MGRN1: variants seen among roughly 807,000 people sequenced by gnomAD.
The protein encoded by MGRN1 is mahogunin ring finger 1, also known as E3 ubiquitin-protein ligase MGRN1.
A neutral mutation model predicts 69.2 loss-of-function variants in MGRN1; 29 were observed. The ratio of observed to expected loss-of-function variants is 0.42; its 90% CI spans 0.31 to 0.57. MGRN1 has a LOEUF of 0.57. Ranked by LOEUF, MGRN1 falls within the 20% of genes least tolerant of loss-of-function variation. MGRN1 has a pLI of 0.15. For missense variants in MGRN1, 998 were observed against 796.2 expected (o/e 1.25, Z -3.05); for synonymous variants, 470 against 344.2 (o/e 1.37, Z -4.04).
rs368527662 is a variant in MGRN1, at chr16:4,680,054, C to T, written c.1088C>T (p.Pro363Leu). The T allele has an allele frequency of 4.2e-5, 68 of 1,614,060 alleles. No individual in the cohort carries two copies. The African/African-American group carries it at 6.4e-4, about 15-fold the overall frequency. The change falls in exon 12 of 17, where the codon CCG becomes CTG. Residue 363 changes from proline to leucine, a missense_variant. Physicochemically the swap from Pro to Leu is moderately conservative, Grantham distance 98 (BLOSUM62 -3). Coordinates refer to ENST00000262370, the MANE Select transcript of MGRN1 (RefSeq NM_015246.4). ...CAGTGTCCCTTTAAAAAATCAAAGC[C>T]GCACCCCGCCTCCCTGGCCAGCAAG... The part of the protein sequence containing the change: ...EHSCPFKKSK[P>L]HPASLASKKP...
At chr16:4,634,744 G>A (rs529868405) in intron 1 of MGRN1, 1 of 152,444 alleles carries the variant, frequency 6.6e-6, no homozygotes, top group African/African-American at 2.4e-5. Context: ...GAAGCGAGAG[G>A]TTTGAGGAGT....
At chr16:4,628,519 A>G (rs1772277491) in intron 1 of MGRN1, among the ~76,000 whole-genome samples, 1 of 151,854 alleles carries the variant, frequency 6.6e-6, no homozygotes, top group African/African-American at 2.4e-5. Flanking sequence ...CCCTACCCCA[A>G]CCCCCACCCT....
rs373230459 is a variant in MGRN1, at chr16:4,665,131, C to T, written c.658C>T (p.Leu220Phe). The change falls in exon 7 of 17, where the codon CTC becomes TTC. Residue 220 changes from leucine (L) to phenylalanine (F), a missense_variant. Transcript: ENST00000262370. ...GGAAGTGACTGGCCACGCCCACGTG[C>T]TCTTGGCTGCCTTTGAAAAGGTAAG... ...VVEVTGHAHV[L>F]LAAFEKHMDG... The T allele has an allele frequency of 3.7e-6, 6 of 1,614,100 alleles. No individual in the cohort carries two copies. The Admixed American group carries it at 8.3e-5, about 22-fold the overall frequency.
In MGRN1 at chr16:4,683,865, G is replaced by A; in HGVS notation, c.1551G>A (p.Glu517=). The A allele has an allele frequency of 6.2e-7, 1 of 1,605,872 alleles. No individual in the cohort carries two copies. Among genetic ancestry groups the A allele is most frequent in the Non-Finnish European group, 8.5e-7 (1 of 1,175,246 alleles). ...PQQGTRAASI[E]NVLQDSSPEH... ...CAGGGACCCGAGCAGCTTCCATTGA[G>A]AATGTCCTGCAGGACAGCAGCCCCG... The change falls in exon 16 of 17, where the codon GAG becomes GAA. Residue 517 remains glutamate (E), a synonymous_variant. Coordinates refer to ENST00000262370, the MANE Select transcript of MGRN1 (RefSeq NM_015246.4).
chr16:4,656,934 C>G (rs562408136), intron 4 of MGRN1, among the ~76,000 whole-genome samples: 4 of 151,900 alleles, frequency 2.6e-5, no homozygotes, highest in East Asian at 1.9e-4. Context: ...AATAAACAAA[C>G]CAACTTAGCA....
chr16:4,677,355 C>T (rs754917035), intron 10 of MGRN1, 108 bp from the exon 11 acceptor site: 15 of 781,614 alleles, frequency 1.9e-5, no homozygotes, highest in Non-Finnish European at 2.7e-5. Flanking sequence ...GCGGGGTCAC[C>T]CCAGGACCCC....
intron 1 of MGRN1, among the ~76,000 whole-genome samples, chr16:4,629,906 C>T (rs931930395): frequency 2.6e-5 from 4 of 151,142 alleles, no homozygotes; most frequent in African/African-American, 4.9e-5. Flanking sequence ...ATGAGCTGGA[C>T]GCAATGGCGC....
intron 1 of MGRN1, chr16:4,640,174 G>A (rs915477332): frequency 6.6e-6 from 1 of 152,310 alleles, no homozygotes; most frequent in Admixed American, 6.5e-5. Flanking sequence ...CAAGGTGCAA[G>A]AGACACAAGA....
At chr16:4,637,101 A>G (rs1596261405) in intron 1 of MGRN1, among the ~76,000 whole-genome samples, 1 of 136,520 alleles carries the variant, frequency 7.3e-6, no homozygotes, top group Non-Finnish European at 1.6e-5. Flanking sequence ...CCCGGGCGAC[A>G]GAGCAAGACT....
chr16:4,687,672 C>G (rs2079362993), intron 16 of MGRN1: 2 of 985,276 alleles, frequency 2.0e-6, no homozygotes, highest in African/African-American at 3.5e-5. Context: ...ATTGGGGACC[C>G]TCTGCCTTCC....
chr16:4,685,272 C>G (rs2141986312), intron 16 of MGRN1, among the ~76,000 whole-genome samples: 1 of 152,340 alleles, frequency 6.6e-6, no homozygotes, highest in South Asian at 2.1e-4. Flanking sequence ...GATATCTGAT[C>G]CTGCAGGGTG....
intron 10 of MGRN1, among the ~76,000 whole-genome samples, chr16:4,674,840 C>A (rs890919534): frequency 2.7e-5 from 4 of 149,636 alleles, no homozygotes; most frequent in African/African-American, 9.8e-5. Context: ...CGGGGTTTCA[C>A]CTTGTTAGCC....
chr16:4,665,309 T>C (rs2078777323), intron 7 of MGRN1, among the ~76,000 whole-genome samples, 158 bp downstream of exon 7: 1 of 151,434 alleles, frequency 6.6e-6, no homozygotes, highest in South Asian at 2.1e-4. Flanking sequence ...CTTCCTGCTT[T>C]CTAGCATTCT....
At chr16:4,686,693 C>A in intron 16 of MGRN1, 1 of 1,036,574 alleles carries the variant, frequency 9.6e-7, no homozygotes, top group Non-Finnish European at 1.2e-6. Context: ...GTGGAGGGAA[C>A]CCCAGGGAGA....
Position 4,655,702 on chromosome 16 carries a change from G to T in MGRN1, c.444-1544G>T, listed in dbSNP as rs116741483. Among the ~76,000 whole-genome samples the T allele has an allele frequency of 9.4e-3, 1,430 of 152,308 alleles. 8 individuals are homozygous for T. Among genetic ancestry groups the T allele is most frequent in the Middle Eastern group, 0.02 (6 of 294 alleles). Reference sequence around the variant, plus strand: ...GCAAGGCCAGCTTCCCCTCCCAGCAGGGATCACAGAAAAGGACCTGGAGGC... The same window carrying T: ...GCAAGGCCAGCTTCCCCTCCCAGCATGGATCACAGAAAAGGACCTGGAGGC... On this transcript the variant is annotated intron_variant, in intron 4 of 16. Transcript: ENST00000262370.
chr16:4,690,590 GCTCACGCACATGTTCACACATGCACA>G lies in MGRN1; in HGVS notation c.*1690_*1715del, dbSNP rs888630630. The G allele has an allele frequency of 6.6e-6, 1 of 152,400 alleles. No homozygotes were observed. Among genetic ancestry groups the G allele is most frequent in the African/African-American group, 2.4e-5 (1 of 41,430 alleles). 9.4% of individuals were successfully genotyped at this position (152,400 alleles called of 1,614,324 possible). A position where few individuals can be genotyped will look rare whatever the true frequency, so the allele number is the denominator to read the frequency against. On this transcript the variant is annotated 3_prime_UTR_variant, in exon 17 of 17. Transcript: ENST00000262370. ...CACAAATGCACGCCCACTTGCACAT[GCTCACGCACATGTTCACACATGCACA>G]CTCACGCTCACACATGCTGTCACGC...
chr16:4,680,723 A>G (rs1234700903), intron 12 of MGRN1: 1 of 152,654 alleles, frequency 6.6e-6, no homozygotes, highest in Admixed American at 6.5e-5. Context: ...GGAGGCAGGT[A>G]TGGGAGCAAA....
intron 5 of MGRN1, among the ~76,000 whole-genome samples, chr16:4,662,597 C>G (rs901820855): frequency 6.6e-6 from 1 of 152,118 alleles, no homozygotes; most frequent in Non-Finnish European, 1.5e-5. Context: ...CTGGGTCTGT[C>G]GAGAGGACTT....
intron 16 of MGRN1, chr16:4,688,387 C>G (rs841221): frequency 1 from 1,004,300 of 1,006,448 alleles, 501,101 homozygotes; most frequent in East Asian, 1. Flanking sequence ...GGCCGCTCCC[C>G]ACCCCTGCAC....
Sources: allele counts gnomAD v4.1 joint callset (sites outside exome capture counted in the v4.1 genomes callset), GRCh38; gene constraint gnomAD v4.1.1; transcripts MANE v1.5; gene names NCBI Gene and HGNC (gene_info 2026-07-23, HGNC 2026-07-21).